Variants in IL12RB1 observed in about 807,000 individuals in gnomAD.
IL12RB1 encodes interleukin 12 receptor subunit beta 1, also known as interleukin-12 receptor subunit beta-1.
A neutral mutation model predicts 94.4 loss-of-function variants in IL12RB1; 64 were observed. The observed-to-expected ratio is 0.68, with a 90% CI of 0.55 to 0.83. IL12RB1 has a LOEUF of 0.83. Among genes scored for constraint, IL12RB1 ranks in the 40% least tolerant of loss-of-function variants. IL12RB1 has a pLI of 0.00. For missense variants in IL12RB1, 814 were observed against 855.6 expected, an observed-to-expected ratio of 0.95 and a Z score of 0.61; for synonymous variants, 362 against 355.5, an observed-to-expected ratio of 1.02 and a Z score of -0.21.
At chr19:18,072,719 G>A (rs455034) in intron 8 of IL12RB1, among the ~76,000 whole-genome samples, 42,177 of 151,798 alleles carry the variant, frequency 0.28, 6,160 homozygotes, top group East Asian at 0.37. Context: ...AGGCCGAGAC[G>A]GGTAGATCAT....
chr19:18,068,327 CTA>C (rs2034743826), intron 11 of IL12RB1, 60 bp downstream of exon 11: 2 of 1,374,698 alleles, frequency 1.5e-6, no homozygotes, highest in African/African-American at 2.9e-5. Context: ...TGCCCAGCCT[CTA>C]TTTTTTTAAA....
Position 18,072,186 on chromosome 19 carries a change from AC to A in IL12RB1, c.946del (p.Val316TrpfsTer13), listed in dbSNP as rs1247491045. On this transcript the variant is annotated frameshift_variant, in exon 9 of 17. Transcript: ENST00000593993. LOFTEE classifies it high-confidence loss of function. Reference protein sequence around the residue: ...MPYLSGAAYNVAVISSNQFGP... With the variant: ...MPYLSGAAYNXAVISSNQFGP... ...AAATTGGTTCGAGGAGATGACAGCC[AC>A]GTTGTAGGCAGCACCCGAGAGATAG... 5.0e-6 allele frequency: 8 copies of A among 1,614,044 alleles called. No homozygotes were observed. Among genetic ancestry groups the A allele is most frequent in the Non-Finnish European group, 6.8e-6 (8 of 1,180,016 alleles).
At position 18,059,933 on chromosome 19, in the gene IL12RB1, T is replaced by G. The variant is rs780627570; in HGVS notation, c.1944A>C (p.Thr648=). The G allele has an allele frequency of 6.3e-7, 1 of 1,591,616 alleles. No homozygotes were observed. The highest frequency in any genetic ancestry group is 8.6e-7 in the Non-Finnish European group (1 of 1,168,962). The change falls in exon 16 of 17, where the codon ACA becomes ACC. Residue 648 remains threonine (T), a synonymous_variant. Transcript: ENST00000593993. ...PEGAPELALD[T]ELSLEDGDRC... ...TGTCTCCATCCTCCAAGGACAACTC[T>G]GTATCCAGGGCCAGCTCAGGGGCAC...
At chr19:18,094,775 GA>G (rs1312645097) in intron 1 of IL12RB1, among the ~76,000 whole-genome samples, 2 of 148,466 alleles carry the variant, frequency 1.3e-5, no homozygotes, top group Admixed American at 6.7e-5. Flanking sequence ...CAGCCTGGGC[GA>G]AAGAGCAAGA....
chr19:18,092,349 G>A (rs1034293746), intron 1 of IL12RB1, among the ~76,000 whole-genome samples: 1 of 151,692 alleles, frequency 6.6e-6, no homozygotes, highest in Non-Finnish European at 1.5e-5. Context: ...AATTAGCCGG[G>A]CATGGTGGCT....
At chr19:18,061,027 G>T in intron 15 of IL12RB1, 95 bp downstream of exon 15, 1 of 751,790 alleles carries the variant, frequency 1.3e-6, no homozygotes, top group Non-Finnish European at 2.4e-6. Flanking sequence ...TCCTTACCTT[G>T]ATGAATTGGG....
In IL12RB1 at chr19:18,068,970, G is replaced by A. The variant is rs182649155; in HGVS notation, c.1190-444C>T. On this transcript the variant is annotated intron_variant, in intron 10 of 16. Coordinates refer to ENST00000593993, the MANE Select transcript of IL12RB1 (RefSeq NM_005535.3). ...TCTCCATGTTGGCCAGGCTGGTCTC[G>A]AACTCCTGACCTCTGTTGATCCACC... Among the ~76,000 whole-genome samples the A allele has an allele frequency of 4.9e-3, 749 of 151,984 alleles. 1 individual carries two copies. The highest frequency in any genetic ancestry group is 8.3e-3 in the Non-Finnish European group (567 of 67,956).
chr19:18,093,778 G>T (rs915582101), intron 1 of IL12RB1, among the ~76,000 whole-genome samples: 1 of 152,142 alleles, frequency 6.6e-6, no homozygotes, highest in Non-Finnish European at 1.5e-5. Flanking sequence ...GCCATTGCAG[G>T]ACATGAGCTT....
At chr19:18,070,643 A>AG in intron 9 of IL12RB1, 8 of 490,782 alleles carry the variant, frequency 1.6e-5, no homozygotes, top group South Asian at 8.8e-5. Context: ...CCATTTCACT[A>AG]TGATATGGGA....
rs756123534 is a variant in IL12RB1, at chr19:18,072,369, C to T, written c.784-20G>A. On this transcript the variant is annotated intron_variant, in intron 8 of 16. Transcript: ENST00000593993. ...GGTTGGCTGTCAGGAGTATGAAAGA[C>T]AGCTTGTGGGTACCTGATCACACTC... 5.6e-5 allele frequency: 84 copies of T among 1,512,928 alleles called. 1 individual carries two copies. The South Asian group carries it at 8.5e-4, about 15-fold the overall frequency. The allele number at this position is 1,512,928 out of a possible 1,614,324, so 93.7% of individuals were successfully genotyped here.
At position 18,082,154 on chromosome 19, in the gene IL12RB1, A is replaced by G. The variant is rs777387135; in HGVS notation, c.235T>C (p.Cys79Arg). 6.3e-7 allele frequency: 1 copy of G among 1,599,342 alleles called. No homozygotes were observed. The highest frequency in any genetic ancestry group is 1.1e-5 in the South Asian group (1 of 90,678). The stretch of plus-strand genomic sequence containing the variant: ...GAATGGTAGAGGGGTCCTCACCAAC[A>G]CCGCAGGAAGTGGCTGACCCCAGCT... ...PTAGVSHFLR[C>R]CLSSGRCCYF... Residue 79 changes from cysteine (C) to arginine (R), a missense_variant, in exon 3 of 17, where the codon TGT becomes CGT. Transcript: ENST00000593993.
At chr19:18,090,024 G>A (rs2036562971), upstream of IL12RB1, among the ~76,000 whole-genome samples, 1 of 152,202 alleles carries the variant, frequency 6.6e-6, no homozygotes, top group South Asian at 2.1e-4. Context: ...GAGGCCTGGG[G>A]GAGGGGCAGA....
At chr19:18,098,151 A>C (rs2037161069) in intron 1 of IL12RB1, among the ~76,000 whole-genome samples, 1 of 152,134 alleles carries the variant, frequency 6.6e-6, no homozygotes, top group Non-Finnish European at 1.5e-5. Context: ...AGAGCTCACC[A>C]TATGTTCATG....
At chr19:18,083,639 A>G in intron 1 of IL12RB1, 148 bp from the exon 2 acceptor site, 1 of 661,020 alleles carries the variant, frequency 1.5e-6, no homozygotes, top group Non-Finnish European at 2.6e-6. Flanking sequence ...CCACCCATCC[A>G]TCCATCTGCC....
intron 1 of IL12RB1, among the ~76,000 whole-genome samples, chr19:18,084,075 C>T (rs55669518): frequency 0.021 from 3,118 of 150,356 alleles, 45 homozygotes; most frequent in Non-Finnish European, 0.033. Context: ...ACCCATCCAT[C>T]CATGTATTTA....
intron 6 of IL12RB1, 41 bp from the exon 7 acceptor site, chr19:18,075,909 C>G (rs1426289380): frequency 6.2e-7 from 1 of 1,604,412 alleles, no homozygotes; most frequent in South Asian, 1.1e-5. Context: ...TAAGAATTGT[C>G]CAGGACTTGG....
chr19:18,072,946 CAAA>C (rs11336251), intron 8 of IL12RB1, among the ~76,000 whole-genome samples: 33 of 75,182 alleles, frequency 4.4e-4, no homozygotes, highest in African/African-American at 7.1e-4. Context: ...GACTCCATCT[CAAA>C]AAAAAAAAAA....
intron 4 of IL12RB1, 89 bp downstream of exon 4, chr19:18,080,743 C>T (rs901190701): frequency 5.6e-6 from 5 of 891,022 alleles, no homozygotes; most frequent in African/African-American, 4.9e-5. Flanking sequence ...AGTCCCTTGC[C>T]AAGGGCCAGG....
In IL12RB1 at chr19:18,079,768, G is replaced by A. The variant is rs199542830; in HGVS notation, c.409+1064C>T. On this transcript the variant is annotated intron_variant, in intron 4 of 16. Coordinates refer to ENST00000593993, the MANE Select transcript of IL12RB1 (RefSeq NM_005535.3). ...AAAACTTAGCCGGGCGCGGTGGCGGGCGCCTGTAGTCCCAGCTACTGGGGA... is the reference window on the plus strand; with the variant it reads ...AAAACTTAGCCGGGCGCGGTGGCGGACGCCTGTAGTCCCAGCTACTGGGGA... Among the ~76,000 whole-genome samples the A allele has an allele frequency of 2.0e-5, 3 of 151,960 alleles. No individual in the cohort carries two copies. The East Asian group carries it at 5.9e-4, about 30-fold the overall frequency.
Sources: gnomAD v4.1 joint callset for allele counts (sites outside exome capture counted in the v4.1 genomes callset) on GRCh38, gnomAD v4.1.1 for gene constraint, MANE v1.5 for transcripts, NCBI Gene and HGNC (gene_info 2026-07-23, HGNC 2026-07-21) for gene names.